SDC4: variants seen among roughly 807,000 people sequenced by gnomAD.
The protein encoded by SDC4 is syndecan 4.
A neutral mutation model predicts 20.5 loss-of-function variants in SDC4; 17 were observed. The ratio of observed to expected loss-of-function variants is 0.83; its 90% CI spans 0.57 to 1.25. The LOEUF (loss-of-function observed/expected upper bound fraction) is 1.25. SDC4 is among the 50% of genes most tolerant of loss of function. SDC4 has a pLI of 0.00. For synonymous variants in SDC4, 107 were observed against 105.3 expected (o/e 1.02, Z -0.10); for missense variants, 241 against 252.3 (o/e 0.96, Z 0.30).
rs1987857357 is a variant in SDC4 at position 45,335,904 on chromosome 20, A to T, written c.77T>A (p.Val26Asp). The change falls in exon 2 of 5, where the codon GTC becomes GAC. Residue 26 changes from valine to aspartate, a missense_variant. By Grantham distance (152) the Val-to-Asp change is radical. Coordinates refer to ENST00000372733, the MANE Select transcript of SDC4 (RefSeq NM_002999.4). ...TTCTAGGAGGTCCTGGGGGTCGATGACCTCAGTCTCTCGGATCTAAGATAA... is the reference window on the plus strand; with the variant it reads ...TTCTAGGAGGTCCTGGGGGTCGATGTCCTCAGTCTCTCGGATCTAAGATAA... ...GVAESIRETEVIDPQDLLEGR... is the reference protein window; with the variant it reads ...GVAESIRETEDIDPQDLLEGR... The T allele has an allele frequency of 6.2e-7, 1 of 1,612,834 alleles. No individual in the cohort carries two copies. The highest frequency in any genetic ancestry group is 1.3e-5 in the African/African-American group (1 of 74,844).
At chr20:45,339,709 C>T (rs1311466872) in intron 1 of SDC4, among the ~76,000 whole-genome samples, 1 of 152,212 alleles carries the variant, frequency 6.6e-6, no homozygotes. Flanking sequence ...CACTGCACTC[C>T]AGCCTGGGTG....
chr20:45,327,676 ACT>A (rs1453921882), intron 4 of SDC4, among the ~76,000 whole-genome samples: 1 of 90,370 alleles, frequency 1.1e-5, no homozygotes, highest in African/African-American at 5.5e-5. Context: ...ACGAAGTCTC[ACT>A]CTGTTGCCCG....
At chr20:45,341,149 G>T (rs1047317329) in intron 1 of SDC4, among the ~76,000 whole-genome samples, 1 of 152,208 alleles carries the variant, frequency 6.6e-6, no homozygotes, top group Non-Finnish European at 1.5e-5. Context: ...CGTGATCAAT[G>T]AATAGTGGCT....
intron 1 of SDC4, among the ~76,000 whole-genome samples, chr20:45,339,630 C>T (rs1014486466): frequency 2.0e-5 from 3 of 152,184 alleles, no homozygotes; most frequent in Non-Finnish European, 4.4e-5. Context: ...GTCCCAGCTA[C>T]TCGGGAGGCT....
intron 1 of SDC4, among the ~76,000 whole-genome samples, chr20:45,346,357 C>T (rs979877752): frequency 6.6e-6 from 1 of 152,170 alleles, no homozygotes; most frequent in Admixed American, 6.5e-5. Flanking sequence ...CAGGATGAGA[C>T]TTGACACCTA....
In SDC4 at chr20:45,326,137, G is replaced by T. The variant is rs1321824782; in HGVS notation, c.*1127C>A. On this transcript the variant is annotated 3_prime_UTR_variant, in exon 5 of 5. Transcript: ENST00000372733. ...TATCTATTTTTCTAGAACCAAGGAA[G>T]AATAATAATATATTATAAGAACACA... 1.3e-5 allele frequency: 2 copies of T among 150,516 alleles called. No individual in the cohort carries two copies. The highest frequency in any genetic ancestry group is 3.9e-4 in the East Asian group (2 of 5,170). The allele number at this position is 150,516 out of a possible 1,614,324, so 9.3% of individuals were successfully genotyped here.
intron 2 of SDC4, among the ~76,000 whole-genome samples, chr20:45,334,969 C>T (rs1987838824): frequency 6.6e-6 from 1 of 152,166 alleles, no homozygotes; most frequent in South Asian, 2.1e-4. Flanking sequence ...GACCATGTGA[C>T]TCCAAAGCTA....
chr20:45,335,484 A>G (rs1371956955), intron 2 of SDC4, among the ~76,000 whole-genome samples: 2 of 98,904 alleles, frequency 2.0e-5, no homozygotes, highest in African/African-American at 4.0e-5. Context: ...CCCTCACCCC[A>G]CCCCCACCAT....
chr20:45,345,640 G>C (rs924124894), intron 1 of SDC4: 1 of 152,262 alleles, frequency 6.6e-6, no homozygotes, highest in Non-Finnish European at 1.5e-5. Flanking sequence ...CACTTGATAG[G>C]TGATAGGTGG....
At chr20:45,330,005 G>A (rs933797959) in intron 4 of SDC4, among the ~76,000 whole-genome samples, 2 of 152,188 alleles carry the variant, frequency 1.3e-5, no homozygotes, top group African/African-American at 4.8e-5. Flanking sequence ...AACCCAATTC[G>A]AAGGAGCCTC....
chr20:45,335,732 A>G, intron 2 of SDC4, 50 bp downstream of exon 2: 1 of 1,585,814 alleles, frequency 6.3e-7, no homozygotes, highest in Non-Finnish European at 8.6e-7. Flanking sequence ...TGGTGAAGCC[A>G]CCACTCCCTC....
chr20:45,348,280 T>A, intron 1 of SDC4, 45 bp downstream of exon 1: 1 of 1,426,406 alleles, frequency 7.0e-7, no homozygotes, highest in Non-Finnish European at 9.5e-7. Flanking sequence ...GGCACCGGCC[T>A]GCGCCCCCGC....
chr20:45,346,815 A>T (rs1477436369), intron 1 of SDC4, among the ~76,000 whole-genome samples: 1 of 152,158 alleles, frequency 6.6e-6, no homozygotes, highest in East Asian at 1.9e-4. Context: ...TCCAGCCTAA[A>T]ATCTCAACCT....
chr20:45,342,007 C>G (rs1003850735), intron 1 of SDC4, among the ~76,000 whole-genome samples: 2 of 152,170 alleles, frequency 1.3e-5, no homozygotes, highest in African/African-American at 4.8e-5. Flanking sequence ...GGCATTGCTC[C>G]GATTACCGGT....
At chr20:45,336,065 C>T (rs1449296134) in intron 1 of SDC4, 145 bp from the exon 2 acceptor site, 2 of 729,978 alleles carry the variant, frequency 2.7e-6, no homozygotes, top group African/African-American at 3.6e-5. Flanking sequence ...CCCACTCTAC[C>T]TCTAACTCAC....
At position 45,331,959 on chromosome 20, in the gene SDC4, C is replaced by G. The variant is rs6017544; in HGVS notation, c.246+1064G>C. ...TACTTTCTTAATAAACTTGTTATTG[C>G]TTTGCAAAAATAAAAAAGATGTTTG... is the stretch of plus-strand genomic sequence containing the variant. On this transcript the variant is annotated intron_variant, in intron 3 of 4. Coordinates refer to ENST00000372733, the MANE Select transcript of SDC4 (RefSeq NM_002999.4). Among the ~76,000 whole-genome samples, 955 of 152,094 alleles carry G rather than the reference C, an allele frequency of 6.3e-3. 9 individuals carry two copies. The highest frequency in any genetic ancestry group is 0.022 in the African/African-American group (909 of 41,482).
intron 4 of SDC4, among the ~76,000 whole-genome samples, chr20:45,328,843 G>A (rs1987733811): frequency 6.6e-6 from 1 of 152,182 alleles, no homozygotes; most frequent in African/African-American, 2.4e-5. Flanking sequence ...CCCCCAGGAG[G>A]TGCCAGAGCA....
At chr20:45,344,561 A>C (rs2743388) in intron 1 of SDC4, among the ~76,000 whole-genome samples, 67,640 of 151,744 alleles carry the variant, frequency 0.45, 17,254 homozygotes, top group East Asian at 0.88. Flanking sequence ...CAACAGGGAG[A>C]TGGGGCTGGG....
rs540059591 is a variant in SDC4 at position 45,326,744 on chromosome 20, A to C, written c.*520T>G. The C allele has an allele frequency of 2.6e-5, 4 of 152,804 alleles. No homozygotes were observed. Among genetic ancestry groups the C allele is most frequent in the Admixed American group, 6.5e-5 (1 of 15,292 alleles). 9.5% of individuals were successfully genotyped at this position (152,804 alleles called of 1,614,324 possible). The stretch of plus-strand genomic sequence containing the variant: ...AAGAGCCTAGAATGGCCCCAGGTAT[A>C]TACCACAGAGATTCCCGTAGTGTGA... On this transcript the variant is annotated 3_prime_UTR_variant, in exon 5 of 5. Coordinates refer to ENST00000372733, the MANE Select transcript of SDC4 (RefSeq NM_002999.4).
Sources: gnomAD v4.1 joint callset for allele counts (sites outside exome capture counted in the v4.1 genomes callset) on GRCh38, gnomAD v4.1.1 for gene constraint, MANE v1.5 for transcripts, NCBI Gene and HGNC (gene_info 2026-07-23, HGNC 2026-07-21) for gene names.